The following AGMO variants were observed in gnomAD, a reference collection of about 807,000 sequenced individuals.
AGMO encodes glyceryl-ether monooxygenase.
In AGMO, 75 loss-of-function variants were observed where a neutral mutation model predicts 60.2. The observed-to-expected ratio is 1.25, with a 90% confidence interval of 1.03 to 1.51. The LOEUF is 1.51. Among genes scored for constraint, AGMO ranks in the 40% most tolerant of loss-of-function variants. The pLI is 0.00. For missense variants in AGMO, 763 were observed against 525.5 expected (o/e 1.45, Z -4.42); for synonymous variants, 261 against 177.1 (o/e 1.47, Z -3.76).
the AGMO span, among the ~76,000 whole-genome samples, chr7:15,134,944 GT>G: frequency 1.3e-5 from 2 of 151,880 alleles, no homozygotes; most frequent in African/African-American, 4.8e-5. Flanking sequence ...CATATTTTCA[GT>G]GAATATATCA....
chr7:15,354,338 A>ACACACGCG (rs1477212059), intron 12 of AGMO, among the ~76,000 whole-genome samples: 1 of 93,696 alleles, frequency 1.1e-5, no homozygotes. Flanking sequence ...ACGCGTGTAT[A>ACACACGCG]TACACGCGTG....
chr7:15,331,017 G>GC (rs1231359472), intron 12 of AGMO, among the ~76,000 whole-genome samples: 3 of 151,964 alleles, frequency 2.0e-5, no homozygotes, highest in Non-Finnish European at 4.4e-5. Context: ...TTCCCCCTTG[G>GC]CCTCTTGGAT....
chr7:15,132,572 T>C, the AGMO span, among the ~76,000 whole-genome samples: 1 of 152,086 alleles, frequency 6.6e-6, no homozygotes, highest in Non-Finnish European at 1.5e-5. Context: ...TTGACTCTTG[T>C]TAGTGACAGG....
intron 12 of AGMO, among the ~76,000 whole-genome samples, chr7:15,285,016 TA>T (rs1784063551): frequency 6.6e-6 from 1 of 151,796 alleles, no homozygotes; most frequent in Non-Finnish European, 1.5e-5. Context: ...AGGCATTTGA[TA>T]AAATCTAGCA....
intron 12 of AGMO, among the ~76,000 whole-genome samples, chr7:15,227,874 T>C (rs1449049151): frequency 2.0e-5 from 3 of 152,090 alleles, no homozygotes; most frequent in Admixed American, 6.6e-5. Context: ...TCTGCCTCTT[T>C]GTAGGTCAAC....
intron 12 of AGMO, among the ~76,000 whole-genome samples, chr7:15,362,067 G>C (rs1782788821): frequency 6.6e-6 from 1 of 152,118 alleles, no homozygotes; most frequent in Admixed American, 6.5e-5. Context: ...TAGTCAGTCA[G>C]CCCTAATTCA....
At chr7:15,433,972 C>T (rs1781327900) in intron 3 of AGMO, among the ~76,000 whole-genome samples, 1 of 151,876 alleles carries the variant, frequency 6.6e-6, no homozygotes, top group Admixed American at 6.6e-5. Flanking sequence ...GAAGATGTAA[C>T]TTACATACAA....
chr7:15,416,030 T>TTC (rs1562496010), intron 5 of AGMO, among the ~76,000 whole-genome samples: 1 of 146,626 alleles, frequency 6.8e-6, no homozygotes. Context: ...TTTTTTTCTT[T>TTC]TTTTTTTTTT....
chr7:15,350,324 A>C (rs890501899), intron 12 of AGMO, among the ~76,000 whole-genome samples: 1 of 152,168 alleles, frequency 6.6e-6, no homozygotes, highest in African/African-American at 2.4e-5. Context: ...AGCAAATATA[A>C]AATCAGTTAA....
At chr7:15,127,605 G>T in the AGMO span, among the ~76,000 whole-genome samples, 1 of 152,022 alleles carries the variant, frequency 6.6e-6, no homozygotes, top group Non-Finnish European at 1.5e-5. Flanking sequence ...TCTAGATAAA[G>T]AAGTCTAAAT....
At chr7:15,459,001 T>A (rs145278831) in intron 3 of AGMO, among the ~76,000 whole-genome samples, 40 of 152,292 alleles carry the variant, frequency 2.6e-4, no homozygotes, top group African/African-American at 9.4e-4. Flanking sequence ...CAATTTCAAA[T>A]AGTTCAATCT....
At chr7:15,435,107 A>G (rs1306421312) in intron 3 of AGMO, among the ~76,000 whole-genome samples, 1 of 151,608 alleles carries the variant, frequency 6.6e-6, no homozygotes, top group Non-Finnish European at 1.5e-5. Flanking sequence ...TTTTGTTTTT[A>G]TCTATTCATG....
intron 12 of AGMO, among the ~76,000 whole-genome samples, chr7:15,245,298 G>T (rs2128504369): frequency 6.6e-6 from 1 of 152,094 alleles, no homozygotes; most frequent in Admixed American, 6.6e-5. Context: ...TCTTGTTGTT[G>T]TTTTCCCTGA....
chr7:15,344,773 T>C (rs992696710), intron 12 of AGMO, among the ~76,000 whole-genome samples: 5 of 152,178 alleles, frequency 3.3e-5, no homozygotes, highest in Non-Finnish European at 5.9e-5. Context: ...CCATTAGAAA[T>C]ATGGTAGATG....
chr7:15,248,155 G>A (rs1354582696), intron 12 of AGMO, among the ~76,000 whole-genome samples: 1 of 117,870 alleles, frequency 8.5e-6, no homozygotes, highest in Non-Finnish European at 1.8e-5. Flanking sequence ...ATAAAGAAGT[G>A]TCACAAAATC....
intron 12 of AGMO, among the ~76,000 whole-genome samples, chr7:15,309,356 C>A (rs1408383848): frequency 6.6e-6 from 1 of 152,082 alleles, no homozygotes; most frequent in Non-Finnish European, 1.5e-5. Context: ...AGGGGAAATA[C>A]TTTATACATT....
chr7:15,232,421 G>A (rs543168088), intron 12 of AGMO, among the ~76,000 whole-genome samples: 13 of 152,128 alleles, frequency 8.5e-5, no homozygotes, highest in African/African-American at 2.9e-4. Context: ...TTGTGCCAAC[G>A]TTCTTTCTTA....
intron 11 of AGMO, among the ~76,000 whole-genome samples, chr7:15,365,843 A>T (rs1380925223): frequency 6.6e-6 from 1 of 152,046 alleles, no homozygotes; most frequent in Admixed American, 6.6e-5. Flanking sequence ...TTGAGCACTG[A>T]TGAGTTATGA....
At chr7:15,278,785 G>A (rs968704401) in intron 12 of AGMO, among the ~76,000 whole-genome samples, 2 of 152,168 alleles carry the variant, frequency 1.3e-5, no homozygotes, top group African/African-American at 4.8e-5. Flanking sequence ...AATTGCTGTG[G>A]CAGCCAAGGA....
Sources: allele counts gnomAD v4.1 joint callset (sites outside exome capture counted in the v4.1 genomes callset), GRCh38; gene constraint gnomAD v4.1.1; transcripts MANE v1.5; gene names NCBI Gene and HGNC (gene_info 2026-07-23, HGNC 2026-07-21).